PTK2: variants seen among roughly 807,000 people sequenced by gnomAD.
The protein encoded by PTK2 is focal adhesion kinase 1.
In PTK2, 45 loss-of-function variants were observed where a neutral mutation model predicts 150.1. The observed-to-expected ratio is 0.30, with a 90% CI of 0.24 to 0.38. The LOEUF (loss-of-function observed/expected upper bound fraction) is 0.38, where lower values mean the gene tolerates loss of function less well. Ranked by LOEUF, PTK2 falls within the 10% of genes least tolerant of loss-of-function variation. The pLI, the probability that PTK2 is intolerant of heterozygous loss-of-function variation, is 1.00. For synonymous variants in PTK2, 432 were observed against 449.2 expected (o/e 0.96, Z 0.48); for missense variants, 919 against 1,307.3 (o/e 0.70, Z 4.58).
chr8:140,726,611 C>T (rs2100045989), intron 22 of PTK2, among the ~76,000 whole-genome samples: 1 of 151,366 alleles, frequency 6.6e-6, no homozygotes, highest in African/African-American at 2.4e-5. Flanking sequence ...CTTTAAGGTG[C>T]TGGGGAAAAA....
chr8:140,905,500 C>A (rs1337558652), intron 2 of PTK2, among the ~76,000 whole-genome samples: 1 of 151,966 alleles, frequency 6.6e-6, no homozygotes, highest in African/African-American at 2.4e-5. Context: ...ATATATGCAC[C>A]CAATACAGGA....
intron 1 of PTK2, among the ~76,000 whole-genome samples, chr8:140,955,832 G>C (rs1213420634): frequency 6.6e-6 from 1 of 152,182 alleles, no homozygotes. Flanking sequence ...ACAGAACAAG[G>C]GGTAAAGAAG....
At chr8:140,875,697 TCC>T (rs2100145082) in intron 4 of PTK2, among the ~76,000 whole-genome samples, 1 of 152,206 alleles carries the variant, frequency 6.6e-6, no homozygotes, top group African/African-American at 2.4e-5. Flanking sequence ...CTATTATTAT[TCC>T]CCTACTGCAC....
chr8:140,818,063 G>C (rs550360743), intron 10 of PTK2, among the ~76,000 whole-genome samples: 2 of 152,288 alleles, frequency 1.3e-5, no homozygotes, highest in Non-Finnish European at 2.9e-5. Context: ...TGTTAGGTTT[G>C]TATGATTCCT....
chr8:140,721,713 C>T (rs945713265), intron 22 of PTK2: 5 of 152,174 alleles, frequency 3.3e-5, no homozygotes, highest in African/African-American at 1.2e-4. Context: ...ATTATGCTCT[C>T]CCATGCCTCT....
intron 3 of PTK2, among the ~76,000 whole-genome samples, chr8:140,880,186 C>T (rs1296486128): frequency 6.6e-6 from 1 of 152,182 alleles, no homozygotes; most frequent in Non-Finnish European, 1.5e-5. Flanking sequence ...TGAATTCGGG[C>T]CTAATCAGTT....
intron 4 of PTK2, among the ~76,000 whole-genome samples, chr8:140,867,609 G>T (rs890859047): frequency 1.3e-5 from 2 of 152,162 alleles, no homozygotes; most frequent in Non-Finnish European, 2.9e-5. Flanking sequence ...AGACACTGGG[G>T]ACTAACAAGA....
At chr8:140,987,026 C>CA (rs1467254144) in intron 1 of PTK2, among the ~76,000 whole-genome samples, 1 of 152,024 alleles carries the variant, frequency 6.6e-6, no homozygotes, top group Non-Finnish European at 1.5e-5. Context: ...GGGACATCAT[C>CA]AAAACGTATA....
At chr8:140,915,119 C>T (rs138247875) in intron 2 of PTK2, among the ~76,000 whole-genome samples, 166 of 151,510 alleles carry the variant, frequency 1.1e-3, no homozygotes, top group African/African-American at 3.8e-3. Flanking sequence ...TCCCTTGTCT[C>T]ATGGGGTGTA....
At chr8:140,906,679 C>T (rs1487840709) in intron 2 of PTK2, among the ~76,000 whole-genome samples, 2 of 151,874 alleles carry the variant, frequency 1.3e-5, no homozygotes, top group Non-Finnish European at 2.9e-5. Context: ...GGGTACAGGG[C>T]ATAAATAGAA....
intron 1 of PTK2, among the ~76,000 whole-genome samples, chr8:140,944,812 G>A (rs2100177126): frequency 6.6e-6 from 1 of 152,194 alleles, no homozygotes; most frequent in Non-Finnish European, 1.5e-5. Context: ...TCTAGAGTTT[G>A]CAATCATGAA....
intron 1 of PTK2, among the ~76,000 whole-genome samples, chr8:140,970,186 C>T (rs1051365422): frequency 4.3e-4 from 66 of 152,380 alleles, no homozygotes; most frequent in African/African-American, 1.5e-3. Flanking sequence ...ACACTGTGAA[C>T]AGCTGCTTCC....
chr8:140,913,642 A>T (rs1385442309), intron 2 of PTK2, among the ~76,000 whole-genome samples: 1 of 152,108 alleles, frequency 6.6e-6, no homozygotes, highest in African/African-American at 2.4e-5. Flanking sequence ...CAATATCATC[A>T]AAAAACACCC....
intron 21 of PTK2, among the ~76,000 whole-genome samples, chr8:140,736,609 A>C (rs187253770): frequency 1.4e-4 from 22 of 152,310 alleles, no homozygotes; most frequent in South Asian, 1.0e-3. Flanking sequence ...TGCAATGTAA[A>C]GGAAATGGAA....
At chr8:140,975,170 A>G (rs1003047835) in intron 1 of PTK2, among the ~76,000 whole-genome samples, 4 of 152,204 alleles carry the variant, frequency 2.6e-5, no homozygotes, top group Non-Finnish European at 4.4e-5. Flanking sequence ...ACTTTACTAA[A>G]TAACAGCAGG....
chr8:140,766,932 C>G (rs1276876842), intron 14 of PTK2, among the ~76,000 whole-genome samples: 1 of 152,108 alleles, frequency 6.6e-6, no homozygotes, highest in Non-Finnish European at 1.5e-5. Context: ...TTGAGATGTG[C>G]CCTACACATA....
intron 1 of PTK2, among the ~76,000 whole-genome samples, chr8:140,934,178 C>T (rs1201613948): frequency 6.6e-6 from 1 of 152,144 alleles, no homozygotes; most frequent in African/African-American, 2.4e-5. Context: ...ATCTTGTTTA[C>T]AATTATAAGA....
chr8:140,737,265 G>T (rs2100053120), intron 21 of PTK2, among the ~76,000 whole-genome samples: 1 of 152,076 alleles, frequency 6.6e-6, no homozygotes, highest in South Asian at 2.1e-4. Context: ...ACCCAAACCA[G>T]CTAATTTTTG....
At chr8:140,922,245 C>G (rs1184306752) in intron 2 of PTK2, among the ~76,000 whole-genome samples, 4 of 152,072 alleles carry the variant, frequency 2.6e-5, no homozygotes, top group Non-Finnish European at 5.9e-5. Context: ...TACTTTCAGG[C>G]TCCTAATAGT....
Sources: gnomAD v4.1 joint callset for allele counts (sites outside exome capture counted in the v4.1 genomes callset) on GRCh38, gnomAD v4.1.1 for gene constraint, MANE v1.5 for transcripts, NCBI Gene and HGNC (gene_info 2026-07-23, HGNC 2026-07-21) for gene names.